Variants in MACROD2 observed in about 807,000 individuals in gnomAD.
MACROD2 encodes ADP-ribose glycohydrolase MACROD2.
In MACROD2, 36 loss-of-function variants were observed where a neutral mutation model predicts 70.4. That is an observed-to-expected ratio of 0.51 (90% CI 0.39 to 0.68). The LOEUF is 0.68. MACROD2 is among the 30% of genes least tolerant of loss of function. The pLI, the probability that MACROD2 is intolerant of heterozygous loss-of-function variation, is 0.00. For missense variants in MACROD2, 496 were observed against 538.4 expected (o/e 0.92, Z 0.78); for synonymous variants, 172 against 178.8 (o/e 0.96, Z 0.30).
Position 15,605,141 on chromosome 20 carries a change from T to G in MACROD2, c.645+105294T>G, listed in dbSNP as rs182102239. 6.7e-4 allele frequency among the ~76,000 whole-genome samples: 102 copies of G among 152,356 alleles called. 1 individual carries two copies. The highest frequency in any genetic ancestry group is 2.4e-3 in the African/African-American group (99 of 41,586). Reference sequence around the variant, plus strand: ...TCGTTTCAGACCCTTACCAGGTCTCTTAAATCTTTTCACTTTCTTCTTTTT... The same window carrying G: ...TCGTTTCAGACCCTTACCAGGTCTCGTAAATCTTTTCACTTTCTTCTTTTT... On this transcript the variant is annotated intron_variant, in intron 8 of 17. Transcript: ENST00000684519.
intron 3 of MACROD2, among the ~76,000 whole-genome samples, chr20:14,263,104 G>A (rs547131431): frequency 6.6e-6 from 1 of 152,244 alleles, no homozygotes; most frequent in South Asian, 2.1e-4. Flanking sequence ...TGTGGAGGGT[G>A]ACTTTTCGTT....
At chr20:14,782,448 C>T (rs776012234) in intron 5 of MACROD2, among the ~76,000 whole-genome samples, 5 of 151,986 alleles carry the variant, frequency 3.3e-5, no homozygotes, top group Non-Finnish European at 4.4e-5. Flanking sequence ...TTAGATATAA[C>T]GTTCTAACCC....
At chr20:14,428,392 ATCT>A (rs1389057419) in intron 3 of MACROD2, among the ~76,000 whole-genome samples, 6 of 152,150 alleles carry the variant, frequency 3.9e-5, no homozygotes, top group Non-Finnish European at 8.8e-5. Context: ...ATTCAAGAGA[ATCT>A]TCTTAATTTC....
At chr20:15,197,635 C>A (rs1487993754) in intron 5 of MACROD2, among the ~76,000 whole-genome samples, 1 of 152,084 alleles carries the variant, frequency 6.6e-6, no homozygotes, top group African/African-American at 2.4e-5. Context: ...CTAAGTCCCC[C>A]AAATTAGTTT....
At chr20:15,894,458 T>C (rs571370039) in intron 10 of MACROD2, among the ~76,000 whole-genome samples, 95 of 152,298 alleles carry the variant, frequency 6.2e-4, no homozygotes, top group African/African-American at 2.2e-3. Context: ...AGACCAAGAC[T>C]GCCCTGATCA....
intron 5 of MACROD2, among the ~76,000 whole-genome samples, chr20:14,990,794 G>A (rs2074896459): frequency 6.6e-6 from 1 of 152,082 alleles, no homozygotes; most frequent in South Asian, 2.1e-4. Flanking sequence ...TTACAGGTGT[G>A]AGCCACCACG....
At chr20:14,060,021 G>A (rs1340088690) in intron 2 of MACROD2, among the ~76,000 whole-genome samples, 1 of 152,164 alleles carries the variant, frequency 6.6e-6, no homozygotes. Context: ...GAATCTTTTC[G>A]ACCCTTACGT....
In MACROD2 at chr20:14,341,185, A is replaced by G. The variant is rs1268606151; in HGVS notation, c.272-152294A>G. On this transcript the variant is annotated intron_variant, in intron 3 of 17. Transcript: ENST00000684519. ...TTTATTGACTCCCTGTGTAAAAGAA[A>G]CTAGTAGGACTAGATGATCCCCAAA... Among the ~76,000 whole-genome samples, 4 of 152,332 alleles carry G rather than the reference A, an allele frequency of 2.6e-5. No homozygotes were observed. In the East Asian group the frequency reaches 7.7e-4, roughly 29 times the overall value.
At chr20:14,788,882 C>A (rs2072411498) in intron 5 of MACROD2, among the ~76,000 whole-genome samples, 1 of 150,264 alleles carries the variant, frequency 6.7e-6, no homozygotes, top group African/African-American at 2.5e-5. Flanking sequence ...AATTCCCCTG[C>A]CTCAGCCCCC....
At chr20:14,717,037 A>T (rs2071404836) in intron 5 of MACROD2, among the ~76,000 whole-genome samples, 1 of 152,144 alleles carries the variant, frequency 6.6e-6, no homozygotes. Flanking sequence ...AACAAAAAAA[A>T]ATTTGGGGGT....
At chr20:15,200,399 A>G (rs2076645836) in intron 5 of MACROD2, among the ~76,000 whole-genome samples, 1 of 152,212 alleles carries the variant, frequency 6.6e-6, no homozygotes, top group Non-Finnish European at 1.5e-5. Flanking sequence ...TTGGTGGGGT[A>G]AAGGTGAGAA....
At chr20:15,350,011 G>C (rs974543611) in intron 6 of MACROD2, among the ~76,000 whole-genome samples, 5 of 152,104 alleles carry the variant, frequency 3.3e-5, no homozygotes, top group Non-Finnish European at 7.4e-5. Context: ...GGACCTCCTT[G>C]TCCATAAACT....
chr20:15,930,858 A>G (rs1008809884), intron 10 of MACROD2, among the ~76,000 whole-genome samples: 2 of 152,188 alleles, frequency 1.3e-5, no homozygotes, highest in African/African-American at 4.8e-5. Context: ...CTTCTTATGC[A>G]TTTACAACTA....
At chr20:14,644,151 ACAG>A (rs911675319) in intron 4 of MACROD2, among the ~76,000 whole-genome samples, 2 of 152,190 alleles carry the variant, frequency 1.3e-5, no homozygotes, top group African/African-American at 4.8e-5. Flanking sequence ...AGTCTAAGAA[ACAG>A]CAGTGAACTT....
intron 4 of MACROD2, among the ~76,000 whole-genome samples, chr20:14,623,406 G>T (rs894504481): frequency 1.3e-5 from 2 of 152,152 alleles, no homozygotes; most frequent in Non-Finnish European, 2.9e-5. Context: ...ATGAACGTGG[G>T]ATCACTTGCT....
At chr20:15,065,478 A>AC (rs1486604732) in intron 5 of MACROD2, among the ~76,000 whole-genome samples, 1 of 151,786 alleles carries the variant, frequency 6.6e-6, no homozygotes, top group Non-Finnish European at 1.5e-5. Context: ...ACACAGTGAA[A>AC]CCCCATCTCT....
chr20:15,330,691 A>G (rs1464746307), intron 6 of MACROD2, among the ~76,000 whole-genome samples: 4 of 151,732 alleles, frequency 2.6e-5, no homozygotes, highest in Non-Finnish European at 5.9e-5. Flanking sequence ...GGGGTAGTCA[A>G]TATCACAGGT....
chr20:15,078,299 A>G (rs540657584), intron 5 of MACROD2, among the ~76,000 whole-genome samples: 12 of 152,280 alleles, frequency 7.9e-5, no homozygotes, highest in African/African-American at 2.2e-4. Context: ...TGGAATATCC[A>G]TAGTCCTCCA....
intron 13 of MACROD2, among the ~76,000 whole-genome samples, chr20:15,970,806 A>G (rs1334959289): frequency 1.3e-5 from 2 of 152,188 alleles, no homozygotes; most frequent in Admixed American, 1.3e-4. Context: ...TAGGGCTAGA[A>G]GAAGTGCCTG....
Sources: allele counts gnomAD v4.1 joint callset (sites outside exome capture counted in the v4.1 genomes callset), GRCh38; gene constraint gnomAD v4.1.1; transcripts MANE v1.5; gene names NCBI Gene and HGNC (gene_info 2026-07-23, HGNC 2026-07-21).